Variants in CIMIP6 observed in about 807,000 individuals in gnomAD.
The protein encoded by CIMIP6 is ciliary microtubule inner protein 6, also known as uncharacterized protein C2orf73.
the CIMIP6 span, chr2:54,358,942 C>T: frequency 7.2e-7 from 1 of 1,388,376 alleles, no homozygotes; most frequent in Admixed American, 2.5e-5. Flanking sequence ...CCTGACTTCA[C>T]AAAATCTTTT....
At chr2:54,377,087 G>A in the CIMIP6 span, among the ~76,000 whole-genome samples, 1 of 152,184 alleles carries the variant, frequency 6.6e-6, no homozygotes, top group African/African-American at 2.4e-5. Context: ...GCTTACAGAA[G>A]CTATTCATCA....
chr2:54,358,956 T>A, the CIMIP6 span: 1 of 1,478,524 alleles, frequency 6.8e-7, no homozygotes, highest in Non-Finnish European at 9.1e-7. Context: ...ATCTTTTTTT[T>A]AGTACCACTT....
At chr2:54,335,611 C>T in the CIMIP6 span, among the ~76,000 whole-genome samples, 1 of 152,214 alleles carries the variant, frequency 6.6e-6, no homozygotes, top group African/African-American at 2.4e-5. Context: ...CTATCCCATG[C>T]TAAAAATATT....
chr2:54,343,850 TG>T, the CIMIP6 span: 1 of 1,604,800 alleles, frequency 6.2e-7, no homozygotes, highest in South Asian at 1.1e-5. Context: ...CACAGCAAGA[TG>T]CAAAAGCCTT....
the CIMIP6 span, chr2:54,330,958 C>G: frequency 6.2e-7 from 1 of 1,613,070 alleles, no homozygotes; most frequent in South Asian, 1.1e-5. Context: ...TCCTCGCTGC[C>G]TGGTGCCGTA....
At chr2:54,375,266 T>G in the CIMIP6 span, among the ~76,000 whole-genome samples, 32,097 of 152,008 alleles carry the variant, frequency 0.21, 3,633 homozygotes, top group East Asian at 0.49. Context: ...TCCTAATATA[T>G]AAAGATATTA....
chr2:54,337,373 T>G, the CIMIP6 span, among the ~76,000 whole-genome samples: 1 of 152,198 alleles, frequency 6.6e-6, no homozygotes, highest in African/African-American at 2.4e-5. Flanking sequence ...TTTGTACACT[T>G]GCTTATGCTC....
the CIMIP6 span, among the ~76,000 whole-genome samples, chr2:54,366,208 C>T: frequency 6.6e-6 from 1 of 152,166 alleles, no homozygotes; most frequent in African/African-American, 2.4e-5. Flanking sequence ...TGTGCAACTT[C>T]TAAAAATGTC....
the CIMIP6 span, among the ~76,000 whole-genome samples, chr2:54,362,426 T>C: frequency 6.6e-6 from 1 of 152,210 alleles, no homozygotes; most frequent in Non-Finnish European, 1.5e-5. Context: ...AATTTTATTA[T>C]GTTGCCTTTT....
the CIMIP6 span, among the ~76,000 whole-genome samples, chr2:54,332,369 G>A: frequency 6.6e-6 from 1 of 152,086 alleles, no homozygotes; most frequent in African/African-American, 2.4e-5. Flanking sequence ...GCTCTATGAG[G>A]GCAGGAATTT....
the CIMIP6 span, among the ~76,000 whole-genome samples, chr2:54,351,322 T>C: frequency 1.3e-5 from 2 of 152,190 alleles, no homozygotes; most frequent in African/African-American, 4.8e-5. Context: ...GACACATGCA[T>C]GCATATGTTC....
At chr2:54,376,770 C>T in the CIMIP6 span, among the ~76,000 whole-genome samples, 30 of 152,298 alleles carry the variant, frequency 2.0e-4, no homozygotes, top group South Asian at 2.7e-3. Flanking sequence ...ACAGCCAGGG[C>T]CACCACTGCT....
At chr2:54,373,461 T>C in the CIMIP6 span, among the ~76,000 whole-genome samples, 2 of 152,080 alleles carry the variant, frequency 1.3e-5, no homozygotes, top group African/African-American at 4.8e-5. Flanking sequence ...ATCCTATCCT[T>C]CCCTGGTTTG....
At chr2:54,379,121 C>G in the CIMIP6 span, among the ~76,000 whole-genome samples, 2 of 152,172 alleles carry the variant, frequency 1.3e-5, no homozygotes, top group Admixed American at 1.3e-4. Context: ...GCTTCTAGGG[C>G]TCCAGTTTCC....
chr2:54,330,920 G>T, the CIMIP6 span: 5 of 1,576,634 alleles, frequency 3.2e-6, no homozygotes, highest in Middle Eastern at 6.4e-4. Flanking sequence ...TTCCTGGCAG[G>T]GCTGCGTCCC....
At chr2:54,364,504 T>C in the CIMIP6 span, among the ~76,000 whole-genome samples, 1 of 152,194 alleles carries the variant, frequency 6.6e-6, no homozygotes, top group Non-Finnish European at 1.5e-5. Context: ...AATAATCCTA[T>C]GAAGCAGGGC....
the CIMIP6 span, among the ~76,000 whole-genome samples, chr2:54,377,932 G>A: frequency 4.6e-5 from 7 of 152,194 alleles, no homozygotes; most frequent in South Asian, 4.1e-4. Context: ...AATAGAGCAC[G>A]TGTGAAGTAT....
At chr2:54,377,204 C>T in the CIMIP6 span, among the ~76,000 whole-genome samples, 1 of 152,268 alleles carries the variant, frequency 6.6e-6, no homozygotes, top group Admixed American at 6.5e-5. Context: ...TGAAAAACAA[C>T]AGCCTGATTC....
chr2:54,351,178 C>T, the CIMIP6 span, among the ~76,000 whole-genome samples: 1 of 152,142 alleles, frequency 6.6e-6, no homozygotes, highest in East Asian at 1.9e-4. Flanking sequence ...GACTCATTTA[C>T]GAAACAAAGT....
Sources: allele counts gnomAD v4.1 joint callset (sites outside exome capture counted in the v4.1 genomes callset), GRCh38; gene constraint gnomAD v4.1.1; transcripts MANE v1.5; gene names NCBI Gene and HGNC (gene_info 2026-07-23, HGNC 2026-07-21).